BIRC6: variants seen among roughly 807,000 people sequenced by gnomAD.
BIRC6 encodes the protein baculoviral IAP repeat containing 6.
BIRC6 carries 98 observed loss-of-function variants against 503.3 expected under a neutral mutation model. That is an observed-to-expected ratio of 0.19 (90% CI 0.17 to 0.23). BIRC6 has a LOEUF of 0.23. BIRC6 is among the 10% of genes least tolerant of loss of function. BIRC6 has a pLI of 1.00. For synonymous variants in BIRC6, 2,240 were observed against 2,078.7 expected, an observed-to-expected ratio of 1.08 and a Z score of -2.11; for missense variants, 5,360 against 5,806.0, an observed-to-expected ratio of 0.92 and a Z score of 2.50.
intron 10 of BIRC6, among the ~76,000 whole-genome samples, chr2:32,425,584 T>G (rs2043399874): frequency 6.6e-6 from 1 of 152,190 alleles, no homozygotes; most frequent in Non-Finnish European, 1.5e-5. Context: ...TTTGCTTGTT[T>G]CCAGCTGCAG....
intron 60 of BIRC6, among the ~76,000 whole-genome samples, chr2:32,530,273 C>A (rs1395280633): frequency 6.6e-6 from 1 of 152,004 alleles, no homozygotes; most frequent in Non-Finnish European, 1.5e-5. Context: ...TGCAGAGGCA[C>A]GATCTTAGTT....
At chr2:32,565,769 G>A (rs545979108) in intron 65 of BIRC6, 23 of 152,352 alleles carry the variant, frequency 1.5e-4, no homozygotes, top group African/African-American at 5.3e-4. Flanking sequence ...CATGGCAGAA[G>A]GGGAAGCAAA....
In BIRC6 at chr2:32,595,043, T is replaced by G; in HGVS notation, c.13511T>G (p.Leu4504Arg). ...AAATATTAAATAACAGAAAAAAAAC[T>G]GGGTGAATACTCCAAGAAGGCGGCT... is the stretch of plus-strand genomic sequence containing the variant. Reference protein sequence around the residue: ...SLRQANQEKKLGEYSKKAAMK... With the variant: ...SLRQANQEKKRGEYSKKAAMK... The change falls in exon 68 of 74, where the codon CTG becomes CGG. Residue 4504 changes from leucine (L) to arginine (R), a missense_variant. This residue lies in a region of BIRC6 where 477 missense variants were observed against 574.4 expected (regional missense o/e 0.83). Coordinates refer to ENST00000421745, the MANE Select transcript of BIRC6 (RefSeq NM_016252.4). The G allele has an allele frequency of 1.9e-6, 3 of 1,575,984 alleles. No homozygotes were observed. Among genetic ancestry groups the G allele is most frequent in the Non-Finnish European group, 2.6e-6 (3 of 1,164,786 alleles).
At chr2:32,409,336 T>A (rs2041599428) in intron 9 of BIRC6, among the ~76,000 whole-genome samples, 1 of 151,814 alleles carries the variant, frequency 6.6e-6, no homozygotes, top group Admixed American at 6.6e-5. Context: ...TTGTATTTTT[T>A]GTAGAGATAG....
At chr2:32,406,702 TC>T in intron 9 of BIRC6, 145 bp downstream of exon 9, 1 of 555,330 alleles carries the variant, frequency 1.8e-6, no homozygotes, top group Admixed American at 3.5e-5. Flanking sequence ...ATATTGTGTG[TC>T]AGAGATCTCA....
intron 45 of BIRC6, among the ~76,000 whole-genome samples, chr2:32,496,820 C>G (rs1013024001): frequency 6.6e-6 from 1 of 152,124 alleles, no homozygotes; most frequent in Admixed American, 6.5e-5. Flanking sequence ...TCAGAGAATA[C>G]GGTTAGTTTA....
At chr2:32,519,074 T>A in intron 57 of BIRC6, 128 bp downstream of exon 57, 1 of 902,456 alleles carries the variant, frequency 1.1e-6, no homozygotes, top group Non-Finnish European at 1.6e-6. Flanking sequence ...GTTCAAGACA[T>A]CTTTATAGTT....
chr2:32,480,823 G>A (rs1434024134), intron 37 of BIRC6, among the ~76,000 whole-genome samples: 1 of 151,450 alleles, frequency 6.6e-6, no homozygotes, highest in African/African-American at 2.4e-5. Flanking sequence ...TGTATTTTTT[G>A]TAGAGACAGG....
intron 62 of BIRC6, among the ~76,000 whole-genome samples, chr2:32,544,982 A>G (rs1248184899): frequency 6.6e-6 from 1 of 152,088 alleles, no homozygotes; most frequent in Non-Finnish European, 1.5e-5. Flanking sequence ...TAGAATGTGT[A>G]ATAAGAACCA....
intron 33 of BIRC6, 148 bp from the exon 34 acceptor site, chr2:32,476,065 A>T (rs1017112124): frequency 4.0e-5 from 23 of 574,614 alleles, no homozygotes; most frequent in Non-Finnish European, 5.6e-5. Context: ...ATGATTTTTT[A>T]AAAAATTATC....
chr2:32,554,089 A>G (rs977379930), intron 65 of BIRC6, among the ~76,000 whole-genome samples: 1 of 152,168 alleles, frequency 6.6e-6, no homozygotes, highest in Non-Finnish European at 1.5e-5. Context: ...TAATATTCAC[A>G]TGTTAATGTT....
chr2:32,446,647 A>C (rs2045971009), intron 21 of BIRC6, among the ~76,000 whole-genome samples: 1 of 149,156 alleles, frequency 6.7e-6, no homozygotes, highest in South Asian at 2.1e-4. Context: ...GAGTCTCTGG[A>C]CAGTGTCTTT....
chr2:32,510,831 C>T (rs141380686), intron 53 of BIRC6, among the ~76,000 whole-genome samples, 197 bp downstream of exon 53: 22 of 152,274 alleles, frequency 1.4e-4, no homozygotes, highest in African/African-American at 5.3e-4. Context: ...TGTGTTTGGA[C>T]ATACTTTAAG....
At chr2:32,509,492 A>T (rs1286707155) in intron 51 of BIRC6, among the ~76,000 whole-genome samples, 1 of 152,166 alleles carries the variant, frequency 6.6e-6, no homozygotes, top group African/African-American at 2.4e-5. Context: ...TGACCTTGTC[A>T]TCCACCTGCC....
At chr2:32,604,299 T>C (rs576357371) in intron 71 of BIRC6, among the ~76,000 whole-genome samples, 1 of 152,320 alleles carries the variant, frequency 6.6e-6, no homozygotes, top group East Asian at 1.9e-4. Flanking sequence ...GAAAATCAGA[T>C]TTTTTTAAAA....
chr2:32,418,512 A>G (rs1210091997), intron 10 of BIRC6, among the ~76,000 whole-genome samples: 2 of 152,240 alleles, frequency 1.3e-5, no homozygotes, highest in Non-Finnish European at 2.9e-5. Context: ...CAAAAGATGA[A>G]GAATCTTACA....
Position 32,549,482 on chromosome 2 carries a change from G to A in BIRC6, c.13144+1G>A. ...TCATCTTATCTACGAAATGATTCAG[G>A]TAAATAATCCCTGTAAATGTGTCTG... is the stretch of plus-strand genomic sequence containing the variant. On this transcript the variant is annotated splice_donor_variant, in intron 65 of 73. Transcript: ENST00000421745. LOFTEE classifies it high-confidence loss of function. The A allele has an allele frequency of 7.0e-7, 1 of 1,427,560 alleles. No individual in the cohort carries two copies. Among genetic ancestry groups the A allele is most frequent in the Non-Finnish European group, 9.4e-7 (1 of 1,068,694 alleles). The allele number at this position is 1,427,560 out of a possible 1,614,324, so 88.4% of individuals were successfully genotyped here.
intron 10 of BIRC6, among the ~76,000 whole-genome samples, chr2:32,428,729 A>C (rs1030181736): frequency 6.6e-6 from 1 of 152,220 alleles, no homozygotes; most frequent in Non-Finnish European, 1.5e-5. Flanking sequence ...TGCTTTAAAA[A>C]ATAAGAGTAT....
intron 49 of BIRC6, among the ~76,000 whole-genome samples, chr2:32,503,683 A>T (rs2053462242): frequency 6.6e-6 from 1 of 151,906 alleles, no homozygotes; most frequent in Admixed American, 6.6e-5. Flanking sequence ...CGGCCTCCCA[A>T]AGTGCTGGGA....
Sources: gnomAD v4.1 joint callset for allele counts (sites outside exome capture counted in the v4.1 genomes callset) on GRCh38, gnomAD v4.1.1 for gene constraint, gnomAD v4.1.1 regional missense constraint, MANE v1.5 for transcripts, NCBI Gene and HGNC (gene_info 2026-07-23, HGNC 2026-07-21) for gene names.